The following PLS1 variants were observed in gnomAD, a reference collection of about 807,000 sequenced individuals.
PLS1 encodes the protein plastin 1, also known as plastin-1.
In PLS1, 32 loss-of-function variants were observed where a neutral mutation model predicts 73.7. That is an observed-to-expected ratio of 0.43 (90% confidence interval 0.33 to 0.58). The LOEUF (loss-of-function observed/expected upper bound fraction) is 0.58, where lower values mean the gene tolerates loss of function less well. Among genes scored for constraint, PLS1 ranks in the 20% least tolerant of loss-of-function variants. The pLI, the probability that PLS1 is intolerant of heterozygous loss-of-function variation, is 0.04. For missense variants in PLS1, 633 were observed against 740.5 expected, an observed-to-expected ratio of 0.85 and a Z score of 1.68; for synonymous variants, 217 against 261.3, an observed-to-expected ratio of 0.83 and a Z score of 1.63.
chr3:142,701,464 G>A (rs1444080915), intron 12 of PLS1, among the ~76,000 whole-genome samples: 2 of 152,138 alleles, frequency 1.3e-5, no homozygotes, highest in Non-Finnish European at 2.9e-5. Flanking sequence ...GAGTATTTTG[G>A]ATTTTTGGAT....
chr3:142,713,451 A>T lies in PLS1; in HGVS notation c.*1444A>T, dbSNP rs1454989003. ...TGGAATTTGAAATATATTCTTCTAC[A>T]AAAGAGATTTCTTTCCCTTTTATAT... is the stretch of plus-strand genomic sequence containing the variant. On this transcript the variant is annotated 3_prime_UTR_variant, in exon 16 of 16. Transcript: ENST00000457734. 1 of 152,600 alleles carries T rather than the reference A, an allele frequency of 6.6e-6. No individual in the cohort carries two copies. The highest frequency in any genetic ancestry group is 1.5e-5 in the Non-Finnish European group (1 of 68,000). The allele number at this position is 152,600 out of a possible 1,614,324, so 9.5% of individuals were successfully genotyped here.
intron 1 of PLS1, among the ~76,000 whole-genome samples, chr3:142,600,236 A>T (rs1018774169): frequency 2.6e-5 from 4 of 152,148 alleles, no homozygotes; most frequent in African/African-American, 4.8e-5. Flanking sequence ...GGAGGGAGTG[A>T]GGCTGGGGTC....
chr3:142,684,520 C>T, intron 8 of PLS1, 125 bp downstream of exon 8: 1 of 744,146 alleles, frequency 1.3e-6, no homozygotes, highest in Non-Finnish European at 2.2e-6. Flanking sequence ...TGAAAATTTG[C>T]ATTACTGTGT....
At chr3:142,668,816 G>A (rs943606688) in intron 2 of PLS1, among the ~76,000 whole-genome samples, 3 of 151,958 alleles carry the variant, frequency 2.0e-5, no homozygotes, top group Admixed American at 6.6e-5. Context: ...TGACCAGGCC[G>A]ATCTCAAACT....
At chr3:142,657,772 G>A (rs1053542793) in intron 1 of PLS1, among the ~76,000 whole-genome samples, 1 of 152,182 alleles carries the variant, frequency 6.6e-6, no homozygotes. Flanking sequence ...TCAGGCGTGA[G>A]CCACCACGCC....
chr3:142,623,527 C>A (rs1207665099), intron 1 of PLS1: 2 of 152,204 alleles, frequency 1.3e-5, no homozygotes, highest in African/African-American at 4.8e-5. Context: ...TTTTTCTGGA[C>A]TTCCAAATCT....
At position 142,711,862 on chromosome 3, in the gene PLS1, T is replaced by A; in HGVS notation, c.1755-10T>A. ...GGATAACACCAAGATATTTTTCTTG[T>A]CTCTTCAAGATACGCCATTTCAGTT... is the stretch of plus-strand genomic sequence containing the variant. On this transcript the variant is annotated splice_polypyrimidine_tract_variant and intron_variant, in intron 15 of 15. Coordinates refer to ENST00000457734, the MANE Select transcript of PLS1 (RefSeq NM_001145319.2). The A allele has an allele frequency of 6.2e-7, 1 of 1,612,230 alleles. No homozygotes were observed. The highest frequency in any genetic ancestry group is 8.5e-7 in the Non-Finnish European group (1 of 1,178,686).
At chr3:142,670,629 G>A (rs2107843311) in intron 3 of PLS1, among the ~76,000 whole-genome samples, 1 of 152,298 alleles carries the variant, frequency 6.6e-6, no homozygotes, top group East Asian at 1.9e-4. Flanking sequence ...ATTTTATCAT[G>A]AATGCATTTG....
intron 1 of PLS1, among the ~76,000 whole-genome samples, chr3:142,629,047 T>C (rs2036494631): frequency 6.6e-6 from 1 of 152,194 alleles, no homozygotes; most frequent in African/African-American, 2.4e-5. Context: ...TTCAAGTTTG[T>C]TTCAATATGA....
Position 142,704,721 on chromosome 3 carries a change from T to C in PLS1, c.1629+135T>C, listed in dbSNP as rs372799681. ...TGGTGTGCAGTGGCGCGATCTTGGC[T>C]CACTGCAAGCTCTGCCTCCCAGGTT... On this transcript the variant is annotated intron_variant, in intron 14 of 15. Coordinates refer to ENST00000457734, the MANE Select transcript of PLS1 (RefSeq NM_001145319.2). 1.2e-5 allele frequency: 5 copies of C among 411,106 alleles called. No individual in the cohort carries two copies. The South Asian group carries it at 1.8e-4, about 15-fold the overall frequency. 25.5% of individuals were successfully genotyped at this position (411,106 alleles called of 1,614,324 possible).
At chr3:142,659,867 A>G (rs1269393797) in intron 1 of PLS1, among the ~76,000 whole-genome samples, 1 of 151,710 alleles carries the variant, frequency 6.6e-6, no homozygotes, top group Non-Finnish European at 1.5e-5. Flanking sequence ...TGGCTAATTT[A>G]CTTCCACTTT....
intron 6 of PLS1, among the ~76,000 whole-genome samples, chr3:142,683,534 C>T (rs1259782895): frequency 6.6e-6 from 1 of 152,082 alleles, no homozygotes; most frequent in African/African-American, 2.4e-5. Context: ...AGGATGGGCT[C>T]GGGAGACCGC....
chr3:142,700,487 T>A (rs1016117317), intron 12 of PLS1, among the ~76,000 whole-genome samples: 4 of 152,060 alleles, frequency 2.6e-5, no homozygotes, highest in Non-Finnish European at 5.9e-5. Context: ...CACGCTCGGC[T>A]AATTTTTTTG....
At chr3:142,661,657 A>AT (rs2037373800) in intron 1 of PLS1, among the ~76,000 whole-genome samples, 1 of 152,346 alleles carries the variant, frequency 6.6e-6, no homozygotes, top group South Asian at 2.1e-4. Flanking sequence ...TATAAATACA[A>AT]GTTTATAAAA....
chr3:142,649,292 T>C (rs2037027110), intron 1 of PLS1, among the ~76,000 whole-genome samples: 1 of 137,780 alleles, frequency 7.3e-6, no homozygotes, highest in Non-Finnish European at 1.5e-5. Context: ...ACCATGATCA[T>C]GATACTGCAC....
intron 1 of PLS1, among the ~76,000 whole-genome samples, chr3:142,635,962 T>TCA (rs2108598808): frequency 6.6e-6 from 1 of 152,236 alleles, no homozygotes; most frequent in African/African-American, 2.4e-5. Flanking sequence ...TCATCATAGC[T>TCA]CACTGCAGCC....
intron 8 of PLS1, among the ~76,000 whole-genome samples, chr3:142,685,740 C>T (rs892794795): frequency 1.3e-5 from 2 of 152,160 alleles, no homozygotes; most frequent in East Asian, 1.9e-4. Flanking sequence ...TCTTAGTTAA[C>T]GTGAATCATA....
chr3:142,707,810 A>G (rs1450639710), intron 14 of PLS1, among the ~76,000 whole-genome samples: 3 of 152,188 alleles, frequency 2.0e-5, no homozygotes, highest in Admixed American at 6.5e-5. Flanking sequence ...CAGCAATACT[A>G]TATAAATCAG....
At chr3:142,619,443 C>G (rs1055771877) in intron 1 of PLS1, 1 of 152,164 alleles carries the variant, frequency 6.6e-6, no homozygotes, top group Non-Finnish European at 1.5e-5. Context: ...TTGACACCTA[C>G]TTATTCTAGG....
Sources: allele counts gnomAD v4.1 joint callset (sites outside exome capture counted in the v4.1 genomes callset), GRCh38; gene constraint gnomAD v4.1.1; transcripts MANE v1.5; gene names NCBI Gene and HGNC (gene_info 2026-07-23, HGNC 2026-07-21).